The following MTA3 variants were observed in gnomAD, a reference collection of about 807,000 sequenced individuals.
The protein encoded by MTA3 is metastasis-associated protein MTA3.
MTA3 carries 34 observed loss-of-function variants against 83.5 expected under a neutral mutation model. That is an observed-to-expected ratio of 0.41 (90% CI 0.31 to 0.54). MTA3 has a LOEUF of 0.54. Among genes scored for constraint, MTA3 ranks in the 20% least tolerant of loss-of-function variants. The probability of loss-of-function intolerance (pLI) is 0.33; values close to 1 mark genes in which losing one functional copy is unlikely to be tolerated. For missense variants in MTA3, 761 were observed against 726.4 expected, an observed-to-expected ratio of 1.05 and a Z score of -0.55; for synonymous variants, 303 against 252.7, an observed-to-expected ratio of 1.20 and a Z score of -1.89.
At chr2:42,616,959 A>G (rs6730799) in intron 4 of MTA3, among the ~76,000 whole-genome samples, 113,997 of 151,980 alleles carry the variant, frequency 0.75, 43,038 homozygotes, top group South Asian at 0.88. Flanking sequence ...TTTTGCTCAC[A>G]CTCTGAGCAA....
At position 42,691,672 on chromosome 2, in the gene MTA3, G is replaced by T. The variant is rs537778438; in HGVS notation, c.892-4093G>T. On this transcript the variant is annotated intron_variant, in intron 9 of 16. Coordinates refer to ENST00000405094, the MANE Select transcript of MTA3 (RefSeq NM_001330442.2). ...CAACATCTATTTTTTTCTGATTAAA[G>T]AACTCCCTTTAGCACTTCTTATTGG... is the stretch of plus-strand genomic sequence containing the variant. Among the ~76,000 whole-genome samples the T allele has an allele frequency of 5.3e-5, 8 of 152,198 alleles. No homozygotes were observed. In the East Asian group the frequency reaches 1.5e-3, roughly 29 times the overall value.
intron 4 of MTA3, among the ~76,000 whole-genome samples, chr2:42,627,148 G>A (rs908054819): frequency 1.3e-5 from 2 of 151,794 alleles, no homozygotes; most frequent in Non-Finnish European, 2.9e-5. Context: ...ACGATTCGTG[G>A]CTCATTGCAG....
intron 16 of MTA3, chr2:42,752,120 T>C (rs1182129139): frequency 2.1e-6 from 1 of 466,112 alleles, no homozygotes; most frequent in Non-Finnish European, 4.4e-6. Context: ...GTATGTTCAA[T>C]AAAGCAAGGT....
chr2:42,561,262 A>C (rs986380193), intron 2 of MTA3, among the ~76,000 whole-genome samples: 1 of 151,718 alleles, frequency 6.6e-6, no homozygotes, highest in Non-Finnish European at 1.5e-5. Context: ...TTGTTCTCTG[A>C]TCTTGATTTA....
chr2:42,585,238 G>A (rs1680131588), intron 3 of MTA3, among the ~76,000 whole-genome samples: 2 of 151,908 alleles, frequency 1.3e-5, no homozygotes, highest in South Asian at 4.2e-4. Flanking sequence ...ACAGGCATGT[G>A]CTACCACACC....
intron 6 of MTA3, among the ~76,000 whole-genome samples, chr2:42,651,586 A>G (rs976408551): frequency 1.1e-4 from 17 of 152,096 alleles, no homozygotes; most frequent in African/African-American, 4.1e-4. Flanking sequence ...ACTTGAGGTC[A>G]GGAATTCGAG....
intron 14 of MTA3, among the ~76,000 whole-genome samples, chr2:42,715,406 CT>C (rs35673744): frequency 0.023 from 2,411 of 103,878 alleles, 35 homozygotes; most frequent in African/African-American, 0.089. Flanking sequence ...CCACCAACTA[CT>C]TTTTTTTTTT....
At chr2:42,528,173 C>A (rs1675803647) in intron 2 of MTA3, among the ~76,000 whole-genome samples, 1 of 152,088 alleles carries the variant, frequency 6.6e-6, no homozygotes, top group Non-Finnish European at 1.5e-5. Flanking sequence ...GATCTGCCCG[C>A]CTCGGCCTCC....
chr2:42,494,254 G>A (rs1394833370), upstream of MTA3, among the ~76,000 whole-genome samples: 1 of 151,976 alleles, frequency 6.6e-6, no homozygotes, highest in African/African-American at 2.4e-5. Flanking sequence ...GCGGGGGAGC[G>A]GGGAGCCCAG....
At chr2:42,678,495 AC>A (rs746976128) in intron 8 of MTA3, among the ~76,000 whole-genome samples, 5 of 151,916 alleles carry the variant, frequency 3.3e-5, no homozygotes, top group Non-Finnish European at 7.4e-5. Flanking sequence ...CTGCCACCAC[AC>A]CCAGCTAATT....
intron 4 of MTA3, among the ~76,000 whole-genome samples, chr2:42,615,954 T>C (rs777261806): frequency 4.3e-4 from 65 of 152,064 alleles, no homozygotes; most frequent in Non-Finnish European, 5.9e-4. Context: ...TCTCCTGACC[T>C]CGTGATCTGC....
intron 3 of MTA3, among the ~76,000 whole-genome samples, chr2:42,606,930 G>A (rs1573228656): frequency 6.7e-6 from 1 of 149,354 alleles, no homozygotes; most frequent in South Asian, 2.2e-4. Flanking sequence ...CCAGTCAGGC[G>A]TGGCGGCGCG....
chr2:42,579,609 G>C (rs535721773), intron 3 of MTA3, among the ~76,000 whole-genome samples: 19 of 151,824 alleles, frequency 1.3e-4, no homozygotes, highest in African/African-American at 4.1e-4. Context: ...TGGTTTTTTA[G>C]GTTGTATCAC....
chr2:42,609,635 C>T, intron 4 of MTA3, 51 bp downstream of exon 4: 1 of 1,531,644 alleles, frequency 6.5e-7, no homozygotes, highest in South Asian at 1.3e-5. Flanking sequence ...GACCAAAAAA[C>T]AAAAGACTTC....
intron 2 of MTA3, among the ~76,000 whole-genome samples, chr2:42,520,803 C>T (rs573033498): frequency 6.6e-6 from 1 of 152,016 alleles, no homozygotes; most frequent in East Asian, 1.9e-4. Context: ...TAGCCTCAAG[C>T]GATTCTCCTG....
At position 42,716,932 on chromosome 2, in the gene MTA3, T is replaced by C. The variant is rs139230623; in HGVS notation, c.1526-2056T>C. Among the ~76,000 whole-genome samples, 592 of 152,294 alleles carry C rather than the reference T, an allele frequency of 3.9e-3. 4 individuals carry two copies. Among genetic ancestry groups the C allele is most frequent in the African/African-American group, 0.013 (526 of 41,564 alleles). ...TTTTCCACATGGTTGAACTAATTTG[T>C]ATTCCCATCAACCGTGTATAGCATT... is the stretch of plus-strand genomic sequence containing the variant. On this transcript the variant is annotated intron_variant, in intron 14 of 16. Coordinates refer to ENST00000405094, the MANE Select transcript of MTA3 (RefSeq NM_001330442.2).
At chr2:42,630,848 C>T (rs942972087) in intron 4 of MTA3, among the ~76,000 whole-genome samples, 1 of 152,086 alleles carries the variant, frequency 6.6e-6, no homozygotes, top group African/African-American at 2.4e-5. Flanking sequence ...GGAGGTTCAG[C>T]TGAAAGGATT....
chr2:42,641,114 C>T (rs1373147780), intron 5 of MTA3, among the ~76,000 whole-genome samples: 2 of 151,758 alleles, frequency 1.3e-5, no homozygotes, highest in East Asian at 1.9e-4. Flanking sequence ...GCCATGTTTG[C>T]TAGGCTGGTC....
At chr2:42,728,860 C>G (rs983369002) in intron 16 of MTA3, among the ~76,000 whole-genome samples, 3 of 152,106 alleles carry the variant, frequency 2.0e-5, no homozygotes, top group African/African-American at 4.8e-5. Context: ...AGCTATTAAT[C>G]CCTTGTCAGA....
Sources: gnomAD v4.1 joint callset for allele counts (sites outside exome capture counted in the v4.1 genomes callset) on GRCh38, gnomAD v4.1.1 for gene constraint, MANE v1.5 for transcripts, NCBI Gene and HGNC (gene_info 2026-07-23, HGNC 2026-07-21) for gene names.